Variants in SNTG1 observed in about 807,000 individuals in gnomAD.
SNTG1 encodes the protein syntrophin gamma 1, also known as gamma-1-syntrophin.
Under a neutral mutation model 74.7 loss-of-function variants are expected in SNTG1, and 39 were observed. The ratio of observed to expected loss-of-function variants is 0.52; its 90% CI spans 0.40 to 0.68. The LOEUF (loss-of-function observed/expected upper bound fraction) is 0.68. Ranked by LOEUF, SNTG1 falls within the 30% of genes least tolerant of loss-of-function variation. SNTG1 has a pLI of 0.00. For synonymous variants in SNTG1, 254 were observed against 217.1 expected (o/e 1.17, Z -1.49); for missense variants, 685 against 609.5 (o/e 1.12, Z -1.30).
At chr8:49,914,578 C>T (rs1379341727) in intron 1 of SNTG1, among the ~76,000 whole-genome samples, 1 of 152,076 alleles carries the variant, frequency 6.6e-6, no homozygotes, top group Admixed American at 6.6e-5. Context: ...TTTGCATAGA[C>T]TATATAAATA....
intron 13 of SNTG1, among the ~76,000 whole-genome samples, chr8:50,626,261 A>G (rs2094955465): frequency 2.0e-5 from 3 of 152,188 alleles, no homozygotes; most frequent in South Asian, 2.1e-4. Flanking sequence ...TATTTGTTGC[A>G]GGCAGTTACT....
At chr8:50,148,747 G>A (rs1220921820) in intron 1 of SNTG1, among the ~76,000 whole-genome samples, 3 of 152,160 alleles carry the variant, frequency 2.0e-5, no homozygotes, top group Non-Finnish European at 4.4e-5. Context: ...TTTTATGGAT[G>A]CATAGTATTC....
At chr8:50,178,809 C>T (rs147298429) in intron 2 of SNTG1, among the ~76,000 whole-genome samples, 2 of 152,194 alleles carry the variant, frequency 1.3e-5, no homozygotes, top group South Asian at 2.1e-4. Flanking sequence ...GCCAAAAAGA[C>T]ACACTTTCCC....
intron 1 of SNTG1, among the ~76,000 whole-genome samples, 196 bp from the exon 2 acceptor site, chr8:50,172,365 G>T (rs1447515364): frequency 6.6e-6 from 1 of 152,064 alleles, no homozygotes; most frequent in Non-Finnish European, 1.5e-5. Context: ...TACCTCATTT[G>T]GTCTCTAGAT....
chr8:50,355,382 A>G (rs2091789995), intron 2 of SNTG1, among the ~76,000 whole-genome samples: 1 of 152,166 alleles, frequency 6.6e-6, no homozygotes, highest in African/African-American at 2.4e-5. Flanking sequence ...GAAAAATAGA[A>G]AATTGAGATT....
At chr8:50,164,704 A>G (rs1165144013) in intron 1 of SNTG1, among the ~76,000 whole-genome samples, 1 of 152,210 alleles carries the variant, frequency 6.6e-6, no homozygotes, top group African/African-American at 2.4e-5. Context: ...TCAAATATGT[A>G]GTGAATGTGT....
chr8:50,588,330 A>C (rs2094667794), intron 12 of SNTG1, among the ~76,000 whole-genome samples: 1 of 152,144 alleles, frequency 6.6e-6, no homozygotes, highest in Non-Finnish European at 1.5e-5. Context: ...TTGTATCTAC[A>C]ACACCAGGAA....
At chr8:49,982,899 T>C (rs530330969) in intron 1 of SNTG1, among the ~76,000 whole-genome samples, 3 of 152,320 alleles carry the variant, frequency 2.0e-5, no homozygotes, top group East Asian at 3.9e-4. Flanking sequence ...TACAGTAAAA[T>C]TGATGTAATC....
At position 50,080,175 on chromosome 8, in the gene SNTG1, T is replaced by C. The variant is rs552356993; in HGVS notation, c.-102-92386T>C. ...TATTGTGGTTCCATACTATTTTCTA[T>C]GTTTTTATGATATACAGACACATTT... On this transcript the variant is annotated intron_variant, in intron 1 of 18. Transcript: ENST00000642720. Among the ~76,000 whole-genome samples the C allele has an allele frequency of 3.1e-3, 473 of 152,328 alleles. 1 individual carries two copies. Among genetic ancestry groups the C allele is most frequent in the African/African-American group, 0.011 (450 of 41,584 alleles).
At chr8:50,431,242 A>G (rs2093231888) in intron 4 of SNTG1, among the ~76,000 whole-genome samples, 1 of 152,212 alleles carries the variant, frequency 6.6e-6, no homozygotes, top group African/African-American at 2.4e-5. Flanking sequence ...ATCATATAGA[A>G]TAGTTTCCTT....
intron 2 of SNTG1, among the ~76,000 whole-genome samples, chr8:50,257,419 G>C (rs1322273420): frequency 6.6e-6 from 1 of 152,154 alleles, no homozygotes; most frequent in African/African-American, 2.4e-5. Flanking sequence ...GTGGTGCAGA[G>C]TTTCTGCCAA....
At chr8:50,203,912 A>C (rs10093604) in intron 2 of SNTG1, among the ~76,000 whole-genome samples, 3 of 151,834 alleles carry the variant, frequency 2.0e-5, no homozygotes, top group African/African-American at 7.3e-5. Context: ...TTTTGTAGCA[A>C]ATCTATATTT....
chr8:50,627,346 G>A (rs1475405698), intron 13 of SNTG1, among the ~76,000 whole-genome samples: 1 of 152,166 alleles, frequency 6.6e-6, no homozygotes, highest in African/African-American at 2.4e-5. Context: ...GATTAAAGCT[G>A]CTATAAACAA....
chr8:50,423,689 C>G (rs974736296), intron 4 of SNTG1, among the ~76,000 whole-genome samples: 16 of 152,064 alleles, frequency 1.1e-4, no homozygotes, highest in African/African-American at 3.9e-4. Context: ...TAAATTAAAG[C>G]TCAGTACATG....
intron 8 of SNTG1, among the ~76,000 whole-genome samples, chr8:50,472,429 A>G (rs1048805733): frequency 1.3e-5 from 2 of 152,184 alleles, no homozygotes; most frequent in East Asian, 3.8e-4. Flanking sequence ...TAGGAAACAT[A>G]GTCTTTTCAA....
Position 50,794,176 on chromosome 8 carries a change from G to A in SNTG1, c.*1347G>A, listed in dbSNP as rs2095699169. Reference sequence around the variant, plus strand: ...TGCTCCCAGGTAAACCAAGTATTATGTGTGTCCTTGTGGAGATAACCAAGT... The same window carrying A: ...TGCTCCCAGGTAAACCAAGTATTATATGTGTCCTTGTGGAGATAACCAAGT... On this transcript the variant is annotated 3_prime_UTR_variant, in exon 19 of 19. Transcript: ENST00000642720. 6.6e-6 allele frequency: 1 copy of A among 150,936 alleles called. No homozygotes were observed. The highest frequency in any genetic ancestry group is 1.5e-5 in the Non-Finnish European group (1 of 67,696). 9.3% of individuals were successfully genotyped at this position (150,936 alleles called of 1,614,324 possible).
chr8:50,017,122 T>C (rs1431394659), intron 1 of SNTG1, among the ~76,000 whole-genome samples: 1 of 152,122 alleles, frequency 6.6e-6, no homozygotes, highest in Non-Finnish European at 1.5e-5. Context: ...GTTTCTCAAA[T>C]ACAAACTAAG....
chr8:50,135,422 T>C (rs924047515), intron 1 of SNTG1, among the ~76,000 whole-genome samples: 20 of 152,180 alleles, frequency 1.3e-4, no homozygotes, highest in Non-Finnish European at 2.8e-4. Flanking sequence ...TAAGCATTTG[T>C]CATTATTTGA....
intron 11 of SNTG1, among the ~76,000 whole-genome samples, chr8:50,541,164 A>T (rs1054344717): frequency 6.6e-6 from 1 of 151,908 alleles, no homozygotes; most frequent in Admixed American, 6.6e-5. Flanking sequence ...ATTATCCCAG[A>T]TTGTATCACA....
Sources: allele counts gnomAD v4.1 joint callset (sites outside exome capture counted in the v4.1 genomes callset), GRCh38; gene constraint gnomAD v4.1.1; transcripts MANE v1.5; gene names NCBI Gene and HGNC (gene_info 2026-07-23, HGNC 2026-07-21).